Variants in KCNIP1 observed in about 807,000 individuals in gnomAD.
KCNIP1 encodes potassium voltage-gated channel interacting protein 1.
In KCNIP1, 18 loss-of-function variants were observed where a neutral mutation model predicts 33.0. The observed-to-expected ratio is 0.55, with a 90% CI of 0.38 to 0.81. The LOEUF (loss-of-function observed/expected upper bound fraction) is 0.81. KCNIP1 is among the 30% of genes least tolerant of loss of function. The pLI, the probability that KCNIP1 is intolerant of heterozygous loss-of-function variation, is 0.00. For synonymous variants in KCNIP1, 93 were observed against 98.3 expected, an observed-to-expected ratio of 0.95 and a Z score of 0.32; for missense variants, 238 against 271.6, an observed-to-expected ratio of 0.88 and a Z score of 0.87.
intron 1 of KCNIP1, among the ~76,000 whole-genome samples, chr5:170,640,158 A>AT (rs1760482050): frequency 3.9e-5 from 6 of 152,234 alleles, no homozygotes; most frequent in Admixed American, 3.3e-4. Flanking sequence ...GAGCTGGGGA[A>AT]CAGGGAGGTC....
At chr5:170,455,935 T>A (rs1172742611) in intron 1 of KCNIP1, among the ~76,000 whole-genome samples, 1 of 152,160 alleles carries the variant, frequency 6.6e-6, no homozygotes, top group African/African-American at 2.4e-5. Context: ...GAAATACCAT[T>A]TGACCCAGCA....
At chr5:170,723,521 G>T (rs891859416) in intron 5 of KCNIP1, among the ~76,000 whole-genome samples, 10 of 152,152 alleles carry the variant, frequency 6.6e-5, no homozygotes, top group African/African-American at 2.4e-4. Context: ...ACGGTGCCTG[G>T]AGGTATAGAT....
At chr5:170,721,736 TC>T in intron 3 of KCNIP1, 96 bp from the exon 4 acceptor site, 2 of 1,614,008 alleles carry the variant, frequency 1.2e-6, no homozygotes, top group South Asian at 1.1e-5. Context: ...CTAGCATCAC[TC>T]TCCTCTCTTT....
chr5:170,622,554 A>G (rs1341890773), intron 1 of KCNIP1, among the ~76,000 whole-genome samples: 2 of 149,162 alleles, frequency 1.3e-5, no homozygotes, highest in Non-Finnish European at 3.0e-5. Flanking sequence ...CCCAGGAGGC[A>G]GAGGTTGCAG....
At chr5:170,444,682 T>C (rs1277508398) in intron 1 of KCNIP1, among the ~76,000 whole-genome samples, 3 of 149,170 alleles carry the variant, frequency 2.0e-5, no homozygotes, top group African/African-American at 7.5e-5. Flanking sequence ...GTCTACAAAT[T>C]ATATTTTTTC....
chr5:170,443,056 C>T (rs1336095590), intron 1 of KCNIP1, among the ~76,000 whole-genome samples: 1 of 152,204 alleles, frequency 6.6e-6, no homozygotes, highest in Non-Finnish European at 1.5e-5. Context: ...TTTCCCTTCC[C>T]TCATCCTGTG....
At chr5:170,467,063 T>C (rs1756623211) in intron 1 of KCNIP1, among the ~76,000 whole-genome samples, 2 of 152,124 alleles carry the variant, frequency 1.3e-5, no homozygotes, top group African/African-American at 4.8e-5. Flanking sequence ...GACATGACTA[T>C]CACTGGTTAC....
At chr5:170,434,692 T>C (rs1755820771) in intron 1 of KCNIP1, among the ~76,000 whole-genome samples, 1 of 152,172 alleles carries the variant, frequency 6.6e-6, no homozygotes, top group African/African-American at 2.4e-5. Flanking sequence ...CGCTGGCTCA[T>C]GTCTGTAATC....
At chr5:170,469,042 C>G (rs1756667644) in intron 1 of KCNIP1, among the ~76,000 whole-genome samples, 1 of 152,150 alleles carries the variant, frequency 6.6e-6, no homozygotes, top group South Asian at 2.1e-4. Flanking sequence ...CTCCCCAGCC[C>G]CATTTTTAAA....
chr5:170,525,130 G>A (rs1180886510), intron 1 of KCNIP1, among the ~76,000 whole-genome samples: 3 of 152,202 alleles, frequency 2.0e-5, no homozygotes, highest in Admixed American at 6.5e-5. Context: ...ACCAGGATAC[G>A]TGGAAAGAAC....
chr5:170,614,566 A>G (rs1759296171), intron 1 of KCNIP1, among the ~76,000 whole-genome samples: 1 of 152,206 alleles, frequency 6.6e-6, no homozygotes, highest in Admixed American at 6.5e-5. Context: ...AAACGTAAAA[A>G]GGGGATTTTT....
intron 1 of KCNIP1, among the ~76,000 whole-genome samples, chr5:170,712,248 AC>A (rs1212633178): frequency 6.6e-6 from 1 of 152,146 alleles, no homozygotes; most frequent in Non-Finnish European, 1.5e-5. Context: ...TTCTGCAACT[AC>A]CCTTTTCTTT....
chr5:170,720,468 C>T, intron 3 of KCNIP1, 78 bp downstream of exon 3: 1 of 1,146,180 alleles, frequency 8.7e-7, no homozygotes, highest in Non-Finnish European at 1.3e-6. Context: ...GTCCTCTCTT[C>T]CTTGCCATTT....
Position 170,452,119 on chromosome 5 carries a change from T to C in KCNIP1, c.88+98155T>C, listed in dbSNP as rs554507101. Among the ~76,000 whole-genome samples the C allele has an allele frequency of 5.3e-5, 8 of 152,236 alleles. No individual in the cohort carries two copies. In the East Asian group the frequency reaches 7.7e-4, roughly 15 times the overall value. ...CCAGAGGGAAACGTGGTTGGTGGCA[T>C]TGGGGACTGAGAACAGAACAAAATT... On this transcript the variant is annotated intron_variant, in intron 1 of 7. Transcript: ENST00000377360.
chr5:170,527,944 C>T (rs1755641584), intron 1 of KCNIP1, among the ~76,000 whole-genome samples: 1 of 152,002 alleles, frequency 6.6e-6, no homozygotes, highest in Non-Finnish European at 1.5e-5. Flanking sequence ...CATTTACAGA[C>T]ACACGACAAT....
chr5:170,482,480 A>G (rs1756999093), intron 1 of KCNIP1, among the ~76,000 whole-genome samples: 1 of 152,164 alleles, frequency 6.6e-6, no homozygotes, highest in African/African-American at 2.4e-5. Flanking sequence ...TGAAATTTGC[A>G]CCATGATTTG....
chr5:170,645,142 A>T (rs1760734893), intron 1 of KCNIP1, among the ~76,000 whole-genome samples: 1 of 152,172 alleles, frequency 6.6e-6, no homozygotes, highest in African/African-American at 2.4e-5. Flanking sequence ...GAGGTTACTT[A>T]ACAAAGAGAC....
intron 1 of KCNIP1, among the ~76,000 whole-genome samples, chr5:170,694,045 C>T (rs2113821299): frequency 6.6e-6 from 1 of 152,298 alleles, no homozygotes; most frequent in Middle Eastern, 3.4e-3. Flanking sequence ...ATGACAGGTG[C>T]CATTGCCCAA....
intron 1 of KCNIP1, among the ~76,000 whole-genome samples, chr5:170,372,264 C>T (rs752355330): frequency 1.3e-4 from 20 of 152,138 alleles, no homozygotes; most frequent in Non-Finnish European, 2.6e-4. Flanking sequence ...ACGGAAGAGA[C>T]ACACAGGGCA....
Sources: gnomAD v4.1 joint callset for allele counts (sites outside exome capture counted in the v4.1 genomes callset) on GRCh38, gnomAD v4.1.1 for gene constraint, MANE v1.5 for transcripts, NCBI Gene and HGNC (gene_info 2026-07-23, HGNC 2026-07-21) for gene names.